Variants in CHRFAM7A observed in about 807,000 individuals in gnomAD.
The protein encoded by CHRFAM7A is CHRNA7 (exons 5-10) and FAM7A (exons A-E) fusion.
In CHRFAM7A, 3 loss-of-function variants were observed where a neutral mutation model predicts 29.2. The ratio of observed to expected loss-of-function variants is 0.10; its 90% CI spans 0.05 to 0.27. The LOEUF (loss-of-function observed/expected upper bound fraction) is 0.27. Ranked by LOEUF, CHRFAM7A falls within the 10% of genes least tolerant of loss-of-function variation. The pLI, the probability that CHRFAM7A is intolerant of heterozygous loss-of-function variation, is 1.00. For missense variants in CHRFAM7A, 22 were observed against 328.0 expected (o/e 0.07, Z 7.21); for synonymous variants, 7 against 135.4 (o/e 0.05, Z 6.58).
At chr15:30,371,498 A>C (rs2058857054) in intron 7 of CHRFAM7A, among the ~76,000 whole-genome samples, 1 of 149,182 alleles carries the variant, frequency 6.7e-6, no homozygotes, top group African/African-American at 2.5e-5. Context: ...ATTGAGAAGT[A>C]GTTTCACGTA....
intron 4 of CHRFAM7A, among the ~76,000 whole-genome samples, chr15:30,377,896 T>A (rs1385735611): frequency 7.3e-6 from 1 of 136,742 alleles, no homozygotes; most frequent in East Asian, 2.1e-4. Flanking sequence ...ATTACACTAT[T>A]ACTATATATG....
At chr15:30,367,040 T>C (rs1303663554) in intron 9 of CHRFAM7A, among the ~76,000 whole-genome samples, 1 of 149,380 alleles carries the variant, frequency 6.7e-6, no homozygotes, top group Non-Finnish European at 1.5e-5. Context: ...TCCCAGCACT[T>C]TGGGAGGCTG....
intron 7 of CHRFAM7A, among the ~76,000 whole-genome samples, chr15:30,371,543 AT>A (rs2058857859): frequency 6.7e-6 from 1 of 149,874 alleles, no homozygotes; most frequent in Admixed American, 6.7e-5. Flanking sequence ...AGGAGACCTG[AT>A]TTCAGGTCTT....
intron 5 of CHRFAM7A, among the ~76,000 whole-genome samples, chr15:30,375,863 TGTGA>T (rs2058924503): frequency 8.6e-6 from 1 of 116,946 alleles, no homozygotes; most frequent in East Asian, 2.1e-4. Context: ...TGAGTGGTTG[TGTGA>T]GTGGTGTGTG....
chr15:30,375,678 GTC>G (rs2058919857), intron 5 of CHRFAM7A, among the ~76,000 whole-genome samples: 1 of 138,464 alleles, frequency 7.2e-6, no homozygotes, highest in African/African-American at 3.0e-5. Flanking sequence ...GTGTGTGTGT[GTC>G]TGGTGTGTGT....
intron 7 of CHRFAM7A, among the ~76,000 whole-genome samples, chr15:30,371,659 A>G (rs2058860126): frequency 6.8e-6 from 1 of 147,834 alleles, no homozygotes; most frequent in South Asian, 2.1e-4. Context: ...ACCATATCCT[A>G]CATCTGATGT....
intron 5 of CHRFAM7A, among the ~76,000 whole-genome samples, chr15:30,376,048 AAC>A (rs1445591418): frequency 2.8e-5 from 4 of 141,690 alleles, no homozygotes; most frequent in East Asian, 4.4e-4. Flanking sequence ...GTGTTGTGTG[AAC>A]AGTGTGTGTG....
intron 5 of CHRFAM7A, among the ~76,000 whole-genome samples, chr15:30,374,053 G>C (rs2140887323): frequency 7.2e-6 from 1 of 139,290 alleles, no homozygotes; most frequent in East Asian, 2.1e-4. Flanking sequence ...GTGCTTGAAG[G>C]AAGAGTTTCC....
At chr15:30,363,116 G>A (rs2058759176) in intron 9 of CHRFAM7A, among the ~76,000 whole-genome samples, 2 of 151,220 alleles carry the variant, frequency 1.3e-5, no homozygotes, top group South Asian at 4.2e-4. Flanking sequence ...GTGTAAAGAG[G>A]GAAAGTCAAT....
In CHRFAM7A at chr15:30,367,414, G is replaced by A. The variant is rs370180467; in HGVS notation, c.720+4C>T. 2.3e-5 allele frequency: 37 copies of A among 1,605,606 alleles called. No individual in the cohort carries two copies. The highest frequency in any genetic ancestry group is 3.4e-4 in the Middle Eastern group (2 of 5,970). On this transcript the variant is annotated splice_donor_region_variant and intron_variant, in intron 9 of 9. Transcript: ENST00000299847. ...CGACTCCATCGGGGGTGGGAGGAAC[G>A]TACCCACTTGGGCATCTTGCCCCCG...
intron 9 of CHRFAM7A, among the ~76,000 whole-genome samples, chr15:30,363,247 G>A (rs1374770989): frequency 6.9e-6 from 1 of 145,952 alleles, no homozygotes; most frequent in African/African-American, 2.6e-5. Flanking sequence ...GTCTGGGGGA[G>A]GTTGTACATT....
At chr15:30,375,993 T>G (rs1047398138) in intron 5 of CHRFAM7A, among the ~76,000 whole-genome samples, 5 of 151,178 alleles carry the variant, frequency 3.3e-5, no homozygotes, top group Non-Finnish European at 5.9e-5. Flanking sequence ...GTGGGTGGTA[T>G]GTGAGTGGTT....
chr15:30,362,974 C>A (rs753842828), intron 9 of CHRFAM7A, among the ~76,000 whole-genome samples, 163 bp from the exon 10 acceptor site: 8 of 151,072 alleles, frequency 5.3e-5, no homozygotes, highest in Non-Finnish European at 1.2e-4. Flanking sequence ...TTGCGTATGA[C>A]AAGCAGTCGA....
At chr15:30,367,331 GT>G (rs1175014180) in intron 9 of CHRFAM7A, 86 bp downstream of exon 9, 1 of 1,504,066 alleles carries the variant, frequency 6.6e-7, no homozygotes, top group Non-Finnish European at 9.0e-7. Context: ...AGGAATGCCC[GT>G]TTTTTGTGTG....
chr15:30,371,636 G>A (rs1456629387), intron 7 of CHRFAM7A, among the ~76,000 whole-genome samples: 1 of 148,772 alleles, frequency 6.7e-6, no homozygotes, highest in Non-Finnish European at 1.5e-5. Context: ...ATATGGGTTT[G>A]GGAATGATTT....
At chr15:30,363,254 C>T (rs1483618810) in intron 9 of CHRFAM7A, among the ~76,000 whole-genome samples, 1 of 146,608 alleles carries the variant, frequency 6.8e-6, no homozygotes, top group African/African-American at 2.6e-5. Flanking sequence ...GGAGGTTGTA[C>T]ATTTTCAAAT....
At chr15:30,377,756 T>C (rs1412140503) in intron 4 of CHRFAM7A, among the ~76,000 whole-genome samples, 1 of 144,850 alleles carries the variant, frequency 6.9e-6, no homozygotes, top group Non-Finnish European at 1.5e-5. Flanking sequence ...TTTGTATTTT[T>C]AGTAGAGACG....
In CHRFAM7A at chr15:30,371,066, T is replaced by G. The variant is rs1026204129; in HGVS notation, c.610+32A>C. The G allele has an allele frequency of 2.3e-5, 22 of 946,410 alleles. No individual in the cohort carries two copies. In the African/African-American group the frequency reaches 3.1e-4, roughly 13 times the overall value. The allele number at this position is 946,410 out of a possible 1,614,324, so 58.6% of individuals were successfully genotyped here. ...GGCACACTCTAACCCTAACCCCATA[T>G]CTCTAAGAGAGGAGCCCAACTCTTG... On this transcript the variant is annotated intron_variant, in intron 8 of 9. Transcript: ENST00000299847.
intron 2 of CHRFAM7A, among the ~76,000 whole-genome samples, chr15:30,383,885 AT>A (rs1401861699): frequency 3.8e-5 from 1 of 26,064 alleles, no homozygotes; most frequent in African/African-American, 6.9e-5. Flanking sequence ...GACAGAAAGA[AT>A]TTTTTTTGTA....
Sources: gnomAD v4.1 joint callset for allele counts (sites outside exome capture counted in the v4.1 genomes callset) on GRCh38, gnomAD v4.1.1 for gene constraint, MANE v1.5 for transcripts, NCBI Gene and HGNC (gene_info 2026-07-23, HGNC 2026-07-21) for gene names.